Variants in CLVS1 observed in about 807,000 individuals in gnomAD.
CLVS1 encodes the protein clavesin-1.
A neutral mutation model predicts 33.1 loss-of-function variants in CLVS1; 10 were observed. The observed-to-expected ratio is 0.30, with a 90% confidence interval of 0.19 to 0.51. CLVS1 has a LOEUF of 0.51. Among genes scored for constraint, CLVS1 ranks in the 20% least tolerant of loss-of-function variants. The pLI is 0.97. For missense variants in CLVS1, 343 were observed against 433.4 expected (o/e 0.79, Z 1.85); for synonymous variants, 163 against 166.1 (o/e 0.98, Z 0.14).
intron 2 of CLVS1, among the ~76,000 whole-genome samples, chr8:61,224,979 T>C (rs1027224012): frequency 2.6e-5 from 4 of 152,208 alleles, no homozygotes; most frequent in Non-Finnish European, 4.4e-5. Context: ...GATATATTTG[T>C]GTTTTACCAA....
intron 2 of CLVS1, among the ~76,000 whole-genome samples, chr8:61,153,388 C>T (rs551426961): frequency 6.6e-6 from 1 of 152,266 alleles, no homozygotes; most frequent in East Asian, 1.9e-4. Context: ...CGATGGTGTG[C>T]CAAATGCTTG....
the CLVS1 span, chr8:60,967,476 C>T: frequency 8.8e-6 from 3 of 341,516 alleles, no homozygotes; most frequent in Non-Finnish European, 1.7e-5. Context: ...AGACATAAAT[C>T]GTGAAGCTAC....
chr8:61,453,298 T>C (rs1453311431), intron 3 of CLVS1, among the ~76,000 whole-genome samples: 1 of 152,156 alleles, frequency 6.6e-6, no homozygotes, highest in Non-Finnish European at 1.5e-5. Context: ...CTGGCCATGG[T>C]CCCCTGTTCT....
intron 5 of CLVS1, among the ~76,000 whole-genome samples, chr8:61,490,092 G>A (rs1048749286): frequency 5.9e-5 from 9 of 152,024 alleles, no homozygotes; most frequent in African/African-American, 2.2e-4. Context: ...AAGGTGGGTG[G>A]ATCACTTGAG....
intron 5 of CLVS1, among the ~76,000 whole-genome samples, chr8:61,498,920 G>A (rs568537425): frequency 6.6e-6 from 1 of 152,148 alleles, no homozygotes; most frequent in East Asian, 1.9e-4. Context: ...AGAGACAAAA[G>A]GTTTAAAAGG....
chr8:61,326,346 G>T (rs992756785), intron 2 of CLVS1, among the ~76,000 whole-genome samples: 2 of 152,150 alleles, frequency 1.3e-5, no homozygotes, highest in Non-Finnish European at 2.9e-5. Flanking sequence ...ATTGCATTTA[G>T]GTGTAGAGTC....
At chr8:61,190,405 C>G (rs201404938) in intron 2 of CLVS1, among the ~76,000 whole-genome samples, 1 of 152,042 alleles carries the variant, frequency 6.6e-6, no homozygotes, top group Non-Finnish European at 1.5e-5. Flanking sequence ...GCACTAAATG[C>G]CCACAAGAGA....
At chr8:61,343,169 G>C (rs1199859783) in intron 2 of CLVS1, among the ~76,000 whole-genome samples, 11 of 152,134 alleles carry the variant, frequency 7.2e-5, no homozygotes, top group Admixed American at 7.2e-4. Context: ...ATACATAAAA[G>C]CACTTTCTTC....
intron 3 of CLVS1, among the ~76,000 whole-genome samples, chr8:61,415,895 G>A (rs1271753472): frequency 2.0e-5 from 3 of 152,116 alleles, no homozygotes; most frequent in Non-Finnish European, 4.4e-5. Flanking sequence ...ATTAATTTGT[G>A]CATGAATACA....
intron 3 of CLVS1, among the ~76,000 whole-genome samples, chr8:61,453,514 G>A (rs748993883): frequency 5.3e-5 from 8 of 152,194 alleles, no homozygotes; most frequent in Middle Eastern, 3.2e-3. Flanking sequence ...TAATCAACAA[G>A]TATCTTTTCC....
chr8:61,457,579 A>C (rs1328155498), intron 4 of CLVS1, among the ~76,000 whole-genome samples: 1 of 152,076 alleles, frequency 6.6e-6, no homozygotes, highest in African/African-American at 2.4e-5. Flanking sequence ...TGCAGCAAAA[A>C]TATCTCACGA....
chr8:61,387,846 T>C lies in CLVS1; in HGVS notation c.630+11067T>C, dbSNP rs114497659. Among the ~76,000 whole-genome samples the C allele has an allele frequency of 4.0e-3, 614 of 152,316 alleles. 5 individuals are homozygous for C. Among genetic ancestry groups the C allele is most frequent in the African/African-American group, 0.014 (582 of 41,568 alleles). The stretch of plus-strand genomic sequence containing the variant: ...GTGGTTGAGTATTCCATGGTATACA[T>C]ATATCACATTTTCTTTATCCACTTG... On this transcript the variant is annotated intron_variant, in intron 3 of 5. Transcript: ENST00000325897.
intron 1 of CLVS1, among the ~76,000 whole-genome samples, chr8:61,102,738 G>T (rs193223486): frequency 4.6e-5 from 7 of 152,250 alleles, no homozygotes; most frequent in African/African-American, 1.2e-4. Context: ...CTACTGCCAG[G>T]CCATAAGGGG....
intron 2 of CLVS1, among the ~76,000 whole-genome samples, chr8:61,280,123 A>AT (rs5891798): frequency 0.27 from 40,914 of 152,100 alleles, 7,963 homozygotes; most frequent in East Asian, 0.85. Flanking sequence ...CTCACTTGCT[A>AT]CTGTTTATCT....
Position 61,299,884 on chromosome 8 carries a change from T to C in CLVS1, c.57T>C (p.Asp19=). 6.2e-7 allele frequency: 1 copy of C among 1,613,706 alleles called. No homozygotes were observed. The highest frequency in any genetic ancestry group is 8.5e-7 in the Non-Finnish European group (1 of 1,179,832). Residue 19 remains aspartate (D), a synonymous_variant, in exon 2 of 6, where the codon GAT becomes GAC. Coordinates refer to ENST00000325897, the MANE Select transcript of CLVS1 (RefSeq NM_173519.3). ...KYQKLNTWNG[D]LAKMTHLQAG... is the part of the protein sequence containing the mutation. ...AGAAGTTAAACACTTGGAACGGAGATTTGGCCAAGATGACCCATTTACAGG... is the reference window on the plus strand; with the variant it reads ...AGAAGTTAAACACTTGGAACGGAGACTTGGCCAAGATGACCCATTTACAGG...
intron 2 of CLVS1, among the ~76,000 whole-genome samples, chr8:61,220,384 C>G (rs909917437): frequency 1.3e-5 from 2 of 152,124 alleles, no homozygotes; most frequent in African/African-American, 4.8e-5. Context: ...TATAGCTAGC[C>G]AATTTTCCCA....
At chr8:61,456,641 G>A (rs1817168181) in intron 4 of CLVS1, among the ~76,000 whole-genome samples, 1 of 152,080 alleles carries the variant, frequency 6.6e-6, no homozygotes. Context: ...TATAGGCTGG[G>A]CGCGGTGGCT....
chr8:61,277,659 T>C (rs1809586898), intron 2 of CLVS1, among the ~76,000 whole-genome samples: 1 of 152,164 alleles, frequency 6.6e-6, no homozygotes, highest in Non-Finnish European at 1.5e-5. Context: ...AATAAAGTTC[T>C]TATGGGGAAA....
chr8:61,120,270 T>C (rs1245886145), intron 1 of CLVS1, among the ~76,000 whole-genome samples: 1 of 138,174 alleles, frequency 7.2e-6, no homozygotes, highest in African/African-American at 2.8e-5. Context: ...AGTTATACAT[T>C]CTTCTAAATT....
Sources: gnomAD v4.1 joint callset for allele counts (sites outside exome capture counted in the v4.1 genomes callset) on GRCh38, gnomAD v4.1.1 for gene constraint, MANE v1.5 for transcripts, NCBI Gene and HGNC (gene_info 2026-07-23, HGNC 2026-07-21) for gene names.